EML4: variants seen among roughly 807,000 people sequenced by gnomAD.
The protein encoded by EML4 is echinoderm microtubule-associated protein-like 4.
EML4 carries 72 observed loss-of-function variants against 129.0 expected under a neutral mutation model. The ratio of observed to expected loss-of-function variants is 0.56; its 90% CI spans 0.46 to 0.68. The LOEUF (loss-of-function observed/expected upper bound fraction) is 0.68. EML4 is among the 30% of genes least tolerant of loss of function. The pLI is 0.00. For missense variants in EML4, 1,363 were observed against 1,190.6 expected, an observed-to-expected ratio of 1.14 and a Z score of -2.13; for synonymous variants, 532 against 405.0, an observed-to-expected ratio of 1.31 and a Z score of -3.77.
intron 6 of EML4, among the ~76,000 whole-genome samples, chr2:42,267,581 G>A (rs1357494467): frequency 1.1e-4 from 16 of 152,220 alleles, no homozygotes; most frequent in Non-Finnish European, 2.4e-4. Flanking sequence ...AAAGGCCTGT[G>A]TCCTTCAGAC....
chr2:42,306,542 G>T (rs1668611536), intron 17 of EML4, among the ~76,000 whole-genome samples: 1 of 125,390 alleles, frequency 8.0e-6, no homozygotes, highest in African/African-American at 3.0e-5. Flanking sequence ...ACCCAAGCTG[G>T]AGTGCAATGG....
chr2:42,230,397 AT>A (rs1006154926), intron 1 of EML4, among the ~76,000 whole-genome samples: 3 of 152,000 alleles, frequency 2.0e-5, no homozygotes, highest in African/African-American at 7.2e-5. Flanking sequence ...TCAACCTCTT[AT>A]TTTTTATTTT....
intron 2 of EML4, among the ~76,000 whole-genome samples, chr2:42,254,355 G>A (rs1475473100): frequency 6.6e-6 from 1 of 151,890 alleles, no homozygotes; most frequent in Admixed American, 6.6e-5. Context: ...TGCTCAGGAG[G>A]CTGAGGTAGA....
intron 19 of EML4, among the ~76,000 whole-genome samples, chr2:42,324,097 C>G (rs1398445612): frequency 6.6e-6 from 1 of 151,988 alleles, no homozygotes; most frequent in African/African-American, 2.4e-5. Flanking sequence ...GAGTTCGAGA[C>G]CAGCCTGGCC....
At chr2:42,327,526 T>C (rs992751727) in intron 21 of EML4, among the ~76,000 whole-genome samples, 2 of 152,232 alleles carry the variant, frequency 1.3e-5, no homozygotes, top group Non-Finnish European at 2.9e-5. Flanking sequence ...TGCGTGTGGA[T>C]GTCTAGTTGC....
chr2:42,169,374 T>G lies in EML4; in HGVS notation c.-238T>G, dbSNP rs1417703125. 1.1e-5 allele frequency: 3 copies of G among 262,264 alleles called. No homozygotes were observed. Among genetic ancestry groups the G allele is most frequent in the East Asian group, 1.2e-4 (2 of 17,336 alleles). The allele number at this position is 262,264 out of a possible 1,614,324, so 16.2% of individuals were successfully genotyped here. A position where few individuals can be genotyped will look rare whatever the true frequency, so the allele number is the denominator to read the frequency against. On this transcript the variant is annotated 5_prime_UTR_variant, in exon 1 of 23. Transcript: ENST00000318522. ...CGGCGCGGCGCTCGCGGCTGCTGCC[T>G]GGGAGGGAGGCCGGGCAGGCGGCTG...
chr2:42,331,962 A>G lies in EML4; in HGVS notation c.*1755A>G, dbSNP rs977337870. ...AAAAACCTCAAAATAGTTCTCTTCA[A>G]AAGAAGAGAGATTCCAAGCAACCCA... On this transcript the variant is annotated 3_prime_UTR_variant, in exon 23 of 23. Transcript: ENST00000318522. The G allele has an allele frequency of 4.7e-6, 1 of 214,620 alleles. No individual in the cohort carries two copies. The highest frequency in any genetic ancestry group is 9.4e-6 in the Non-Finnish European group (1 of 106,156). The allele number at this position is 214,620 out of a possible 1,614,324, so 13.3% of individuals were successfully genotyped here. A position where few individuals can be genotyped will look rare whatever the true frequency, so the allele number is the denominator to read the frequency against.
chr2:42,182,427 C>T (rs764394248), intron 1 of EML4, among the ~76,000 whole-genome samples: 1 of 151,762 alleles, frequency 6.6e-6, no homozygotes, highest in Non-Finnish European at 1.5e-5. Flanking sequence ...CATCCTATGC[C>T]AGGCTGCCTT....
In EML4 at chr2:42,317,456, G is replaced by A; in HGVS notation, c.2086G>A (p.Asp696Asn). ...DGTFLAVGSH[D>N]NFIYLYVVSE... ...TACCTTCCTGGCTGTAGGATCTCAT[G>A]ACAACTTTATTTACCTCTATGTAGT... Residue 696 changes from aspartate (D) to asparagine (N), a missense_variant, in exon 19 of 23, where the codon GAC becomes AAC. Asp to Asn is a conservative substitution (Grantham distance 23). Transcript: ENST00000318522. 4 of 1,612,590 alleles carry A rather than the reference G, an allele frequency of 2.5e-6. No individual in the cohort carries two copies. The highest frequency in any genetic ancestry group is 3.4e-6 in the Non-Finnish European group (4 of 1,179,146).
chr2:42,221,811 C>T (rs189836976), intron 1 of EML4, among the ~76,000 whole-genome samples: 78 of 152,010 alleles, frequency 5.1e-4, no homozygotes, highest in African/African-American at 1.8e-3. Context: ...GTCGTGTTGG[C>T]CAGGCTGGTC....
intron 13 of EML4, among the ~76,000 whole-genome samples, chr2:42,296,179 G>GA (rs1175065169): frequency 6.6e-6 from 1 of 152,114 alleles, no homozygotes; most frequent in Non-Finnish European, 1.5e-5. Flanking sequence ...AAAATGTCCA[G>GA]AGTACCATGT....
intron 1 of EML4, among the ~76,000 whole-genome samples, chr2:42,235,937 T>G (rs1674645525): frequency 6.6e-6 from 1 of 152,196 alleles, no homozygotes; most frequent in African/African-American, 2.4e-5. Flanking sequence ...AGACCAGTTA[T>G]CATATCCCCC....
At chr2:42,261,361 G>A (rs1665723170) in intron 4 of EML4, 67 bp downstream of exon 4, 1 of 1,374,488 alleles carries the variant, frequency 7.3e-7, no homozygotes, top group African/African-American at 1.4e-5. Flanking sequence ...TGTGACTTGG[G>A]AAAAAGTTAG....
chr2:42,246,697 C>G (rs920998729), intron 2 of EML4, among the ~76,000 whole-genome samples: 4 of 152,124 alleles, frequency 2.6e-5, no homozygotes, highest in African/African-American at 9.7e-5. Context: ...GAATGTTCCT[C>G]TTATGGATGA....
intron 6 of EML4, among the ~76,000 whole-genome samples, chr2:42,274,455 A>T (rs1228711278): frequency 6.6e-6 from 1 of 152,136 alleles, no homozygotes; most frequent in African/African-American, 2.4e-5. Context: ...TTTTTAAACA[A>T]TCTCTAAGTC....
intron 13 of EML4, among the ~76,000 whole-genome samples, chr2:42,296,368 G>A (rs894185954): frequency 6.6e-6 from 1 of 152,152 alleles, no homozygotes; most frequent in South Asian, 2.1e-4. Context: ...AGGTAATGGG[G>A]AAATCACCCT....
rs1665705832 is a variant in EML4, at chr2:42,261,102, G to A, written c.339-19G>A. 1.3e-6 allele frequency: 2 copies of A among 1,564,294 alleles called. No homozygotes were observed. The highest frequency in any genetic ancestry group is 4.5e-5 in the East Asian group (2 of 44,450). On this transcript the variant is annotated intron_variant, in intron 3 of 22. Transcript: ENST00000318522. ...TTTGTTTAAATGTGTATTGTTCCAT[G>A]TTATACTTTATTTTACAGTGGTACA...
intron 7 of EML4, among the ~76,000 whole-genome samples, chr2:42,281,973 TAACA>T (rs1667035952): frequency 6.6e-6 from 1 of 152,226 alleles, no homozygotes; most frequent in African/African-American, 2.4e-5. Context: ...AACATATTTT[TAACA>T]AACATTCTGC....
chr2:42,251,820 A>G (rs908939779), intron 2 of EML4, among the ~76,000 whole-genome samples: 1 of 152,156 alleles, frequency 6.6e-6, no homozygotes, highest in Non-Finnish European at 1.5e-5. Flanking sequence ...AAAATGATCT[A>G]TTTTTTGGCA....
Sources: gnomAD v4.1 joint callset for allele counts (sites outside exome capture counted in the v4.1 genomes callset) on GRCh38, gnomAD v4.1.1 for gene constraint, MANE v1.5 for transcripts, NCBI Gene and HGNC (gene_info 2026-07-23, HGNC 2026-07-21) for gene names.